The following PRKDC variants were observed in gnomAD, a reference collection of about 807,000 sequenced individuals.
The protein encoded by PRKDC is protein kinase, DNA-activated, catalytic subunit.
In PRKDC, 82 loss-of-function variants were observed where a neutral mutation model predicts 486.9. The ratio of observed to expected loss-of-function variants is 0.17; its 90% CI spans 0.14 to 0.20. PRKDC has a LOEUF of 0.20. PRKDC is among the 10% of genes least tolerant of loss of function. The pLI, the probability that PRKDC is intolerant of heterozygous loss-of-function variation, is 1.00. For missense variants in PRKDC, 4,504 were observed against 5,038.2 expected, an observed-to-expected ratio of 0.89 and a Z score of 3.21; for synonymous variants, 1,895 against 1,837.0, an observed-to-expected ratio of 1.03 and a Z score of -0.81.
At chr8:47,889,293 CA>C in intron 32 of PRKDC, 71 bp from the exon 33 acceptor site, 1 of 1,362,636 alleles carries the variant, frequency 7.3e-7, no homozygotes. Flanking sequence ...GCAGGGCCCA[CA>C]AGGTTGGGAA....
chr8:47,784,357 T>G (rs561200909), intron 77 of PRKDC, among the ~76,000 whole-genome samples: 2 of 152,338 alleles, frequency 1.3e-5, no homozygotes, highest in Admixed American at 6.5e-5. Flanking sequence ...AATGATGCAT[T>G]GACTAGAACA....
At chr8:47,906,691 C>A (rs1009610567) in intron 25 of PRKDC, among the ~76,000 whole-genome samples, 1 of 151,176 alleles carries the variant, frequency 6.6e-6, no homozygotes, top group East Asian at 1.9e-4. Context: ...ATATCCTGTA[C>A]ATTTCTGCCT....
chr8:47,935,858 T>C lies in PRKDC; in HGVS notation c.1321A>G (p.Met441Val). 1.2e-6 allele frequency: 2 copies of C among 1,613,944 alleles called. No individual in the cohort carries two copies. Among genetic ancestry groups the C allele is most frequent in the Non-Finnish European group, 1.7e-6 (2 of 1,179,860 alleles). The stretch of plus-strand genomic sequence containing the variant: ...TACTGTGGGAAACTGTCTATCTGCA[T>C]CACCACGAGGTGCTCCAGAACTGGA... Reference protein sequence around the residue: ...YTPVLEHLVVMQIDSFPQYSP... With the variant: ...YTPVLEHLVVVQIDSFPQYSP... Residue 441 changes from methionine to valine, a missense_variant, in exon 13 of 86, where the codon ATG (methionine) becomes GTG (valine). Physicochemically the swap from Met to Val is conservative, Grantham distance 21. Transcript: ENST00000314191.
At chr8:47,791,203 G>A (rs182501013) in intron 74 of PRKDC, among the ~76,000 whole-genome samples, 14 of 152,298 alleles carry the variant, frequency 9.2e-5, no homozygotes, top group Non-Finnish European at 1.8e-4. Flanking sequence ...ATGGCCGGGC[G>A]CAGTGGCTCA....
intron 17 of PRKDC, 132 bp downstream of exon 17, chr8:47,930,540 G>A (rs1467473955): frequency 4.8e-6 from 4 of 835,146 alleles, no homozygotes; most frequent in Admixed American, 2.9e-5. Context: ...CCAAAGTGCT[G>A]GGATTACAGG....
At chr8:47,958,736 C>CTTT (rs35991452) in intron 1 of PRKDC, among the ~76,000 whole-genome samples, 1 of 138,578 alleles carries the variant, frequency 7.2e-6, no homozygotes, top group African/African-American at 2.6e-5. Flanking sequence ...TATATAGCAT[C>CTTT]TTTTTTTTTT....
intron 74 of PRKDC, among the ~76,000 whole-genome samples, chr8:47,793,866 C>G (rs576673285): frequency 6.6e-6 from 1 of 152,156 alleles, no homozygotes; most frequent in Admixed American, 6.5e-5. Context: ...GAAATAGTTG[C>G]GCACTACTGC....
intron 70 of PRKDC, among the ~76,000 whole-genome samples, chr8:47,803,046 C>G (rs1253246613): frequency 2.0e-5 from 3 of 152,318 alleles, no homozygotes; most frequent in East Asian, 1.9e-4. Context: ...CTCGGTCGCC[C>G]AAATTGCTCG....
intron 71 of PRKDC, 84 bp downstream of exon 71, chr8:47,800,709 C>G (rs1213284462): frequency 8.1e-7 from 1 of 1,234,140 alleles, no homozygotes; most frequent in Non-Finnish European, 1.1e-6. Flanking sequence ...AAGCAACATC[C>G]TTATTATTAC....
intron 47 of PRKDC, 32 bp from the exon 48 acceptor site, chr8:47,858,667 C>T (rs370911178): frequency 2.5e-5 from 37 of 1,462,340 alleles, no homozygotes; most frequent in Admixed American, 5.7e-5. Context: ...TACCTTAAAA[C>T]GTGGAATAAA....
At position 47,936,224 on chromosome 8, in the gene PRKDC, A is replaced by G. The variant is rs8178021; in HGVS notation, c.1278+129T>C. The G allele has an allele frequency of 6.6e-4, 703 of 1,059,932 alleles. 4 individuals carry two copies. In the East Asian group the frequency reaches 0.016, roughly 25 times the overall value. The allele number at this position is 1,059,932 out of a possible 1,614,324, so 65.7% of individuals were successfully genotyped here. On this transcript the variant is annotated intron_variant, in intron 12 of 85. Coordinates refer to ENST00000314191, the MANE Select transcript of PRKDC (RefSeq NM_006904.7). Reference sequence around the variant, plus strand: ...TTCATGACAATAATTCTATTGCCACAAAGTACTAACTAAAACTGTCATGTT... The same window carrying G: ...TTCATGACAATAATTCTATTGCCACGAAGTACTAACTAAAACTGTCATGTT...
At chr8:47,898,064 T>C (rs1442616342) in intron 29 of PRKDC, among the ~76,000 whole-genome samples, 1 of 152,242 alleles carries the variant, frequency 6.6e-6, no homozygotes, top group African/African-American at 2.4e-5. Flanking sequence ...ATTTCCTAAT[T>C]TTATAATTCC....
At chr8:47,943,475 T>G in intron 9 of PRKDC, 109 bp from the exon 10 acceptor site, 1 of 1,149,592 alleles carries the variant, frequency 8.7e-7, no homozygotes, top group Non-Finnish European at 1.2e-6. Context: ...CAGGAAGATC[T>G]AGTACCATTA....
intron 44 of PRKDC, among the ~76,000 whole-genome samples, chr8:47,861,264 T>C (rs1364824088): frequency 6.6e-6 from 1 of 152,232 alleles, no homozygotes; most frequent in African/African-American, 2.4e-5. Flanking sequence ...GCTGATAAAT[T>C]CTATTTATCT....
chr8:47,923,317 A>G (rs2090103924), intron 21 of PRKDC, among the ~76,000 whole-genome samples: 1 of 152,012 alleles, frequency 6.6e-6, no homozygotes, highest in Non-Finnish European at 1.5e-5. Context: ...CACCCAAGTT[A>G]TGGGATTACA....
At chr8:47,921,234 G>A (rs545122433) in intron 21 of PRKDC, among the ~76,000 whole-genome samples, 14 of 151,234 alleles carry the variant, frequency 9.3e-5, no homozygotes, top group Admixed American at 5.3e-4. Flanking sequence ...CAGCCTGGGC[G>A]ACAGAGCGAG....
intron 68 of PRKDC, among the ~76,000 whole-genome samples, chr8:47,810,788 A>T (rs923013438): frequency 3.3e-5 from 5 of 152,244 alleles, no homozygotes; most frequent in African/African-American, 4.8e-5. Flanking sequence ...TACCTAAGAT[A>T]AAACAGTCAC....
chr8:47,929,889 A>C lies in PRKDC; in HGVS notation c.2016T>G (p.Ile672Met). 1 of 1,603,218 alleles carries C rather than the reference A, an allele frequency of 6.2e-7. No homozygotes were observed. ...LISGFYKLLSITVRNAKKIKY... is the reference protein window; with the variant it reads ...LISGFYKLLSMTVRNAKKIKY... ...TTATTTTCTTGGCATTTCTTACTGT[A>C]ATAGAAAGCAATTTGTAGAAACCAC... is the stretch of plus-strand genomic sequence containing the variant. The change falls in exon 18 of 86, where the codon ATT becomes ATG. Residue 672 changes from isoleucine to methionine, a missense_variant. Ile to Met is a conservative substitution (Grantham distance 10). Coordinates refer to ENST00000314191, the MANE Select transcript of PRKDC (RefSeq NM_006904.7).
chr8:47,952,176 G>A (rs1054139151), intron 7 of PRKDC, among the ~76,000 whole-genome samples: 2 of 152,180 alleles, frequency 1.3e-5, no homozygotes, highest in African/African-American at 4.8e-5. Flanking sequence ...CAATGATCAT[G>A]GCAATACTAC....
Sources: gnomAD v4.1 joint callset for allele counts (sites outside exome capture counted in the v4.1 genomes callset) on GRCh38, gnomAD v4.1.1 for gene constraint, MANE v1.5 for transcripts, NCBI Gene and HGNC (gene_info 2026-07-23, HGNC 2026-07-21) for gene names.